Variants in NRXN3 observed in about 807,000 individuals in gnomAD.
NRXN3 encodes the protein neurexin 3, also known as neurexin III.
NRXN3 carries 32 observed loss-of-function variants against 137.6 expected under a neutral mutation model. The observed-to-expected ratio is 0.23, with a 90% CI of 0.18 to 0.31. The LOEUF is 0.31. Among genes scored for constraint, NRXN3 ranks in the 10% least tolerant of loss-of-function variants. NRXN3 has a pLI of 1.00. For missense variants in NRXN3, 1,574 were observed against 2,062.5 expected, an observed-to-expected ratio of 0.76 and a Z score of 4.59; for synonymous variants, 798 against 784.5, an observed-to-expected ratio of 1.02 and a Z score of -0.29.
intron 11 of NRXN3, among the ~76,000 whole-genome samples, chr14:78,962,604 T>C (rs951432023): frequency 7.2e-5 from 11 of 152,242 alleles, no homozygotes; most frequent in African/African-American, 2.7e-4. Flanking sequence ...TTTCAGCATC[T>C]CTCATGCTTT....
chr14:78,874,721 C>T (rs2099109686), intron 10 of NRXN3, among the ~76,000 whole-genome samples: 2 of 152,188 alleles, frequency 1.3e-5, no homozygotes, highest in Admixed American at 6.5e-5. Flanking sequence ...AAATCTCCAG[C>T]TCTCTCTTTG....
chr14:79,286,730 G>A (rs2082332396), intron 15 of NRXN3, among the ~76,000 whole-genome samples: 1 of 151,810 alleles, frequency 6.6e-6, no homozygotes, highest in Non-Finnish European at 1.5e-5. Flanking sequence ...TAGGTGAGGT[G>A]GGAACAACTA....
chr14:78,922,787 A>G (rs553630476), intron 10 of NRXN3, among the ~76,000 whole-genome samples: 1 of 152,320 alleles, frequency 6.6e-6, no homozygotes, highest in African/African-American at 2.4e-5. Flanking sequence ...TGATAGGTGC[A>G]GCACATCACC....
chr14:79,404,676 C>T (rs113842832), intron 15 of NRXN3, among the ~76,000 whole-genome samples: 56 of 152,110 alleles, frequency 3.7e-4, no homozygotes, highest in African/African-American at 1.2e-3. Flanking sequence ...CTTATGGGAA[C>T]GAAGAACTAA....
chr14:79,108,221 T>C (rs183198121), intron 15 of NRXN3, among the ~76,000 whole-genome samples: 1 of 152,174 alleles, frequency 6.6e-6, no homozygotes, highest in Admixed American at 6.5e-5. Flanking sequence ...TCAAGGGTGA[T>C]TTTTAGAAAA....
chr14:79,607,527 A>C (rs1381215287), intron 16 of NRXN3, among the ~76,000 whole-genome samples: 1 of 152,144 alleles, frequency 6.6e-6, no homozygotes, highest in East Asian at 1.9e-4. Flanking sequence ...TAACTTAGAT[A>C]TTTCTTTCTT....
intron 15 of NRXN3, among the ~76,000 whole-genome samples, chr14:79,176,604 C>T (rs2062370162): frequency 6.6e-6 from 1 of 152,168 alleles, no homozygotes. Flanking sequence ...ATGCTGTGCT[C>T]GTTCAGTCCT....
intron 16 of NRXN3, among the ~76,000 whole-genome samples, chr14:79,590,452 C>A (rs995234077): frequency 1.7e-5 from 2 of 120,940 alleles, no homozygotes; most frequent in African/African-American, 7.5e-5. Flanking sequence ...TATGATAGTG[C>A]TAGTCAATAC....
At chr14:79,190,904 A>G in intron 15 of NRXN3, among the ~76,000 whole-genome samples, 1 of 152,186 alleles carries the variant, frequency 6.6e-6, no homozygotes, top group East Asian at 1.9e-4. Context: ...TTACCCTTAT[A>G]AAAACTGTAC....
Position 78,307,346 on chromosome 14 carries a change from A to G in NRXN3, c.757+9486A>G, listed in dbSNP as rs192464478. Among the ~76,000 whole-genome samples, 346 of 152,186 alleles carry G rather than the reference A, an allele frequency of 2.3e-3. 1 individual carries two copies. Among genetic ancestry groups the G allele is most frequent in the African/African-American group, 8.0e-3 (333 of 41,528 alleles). On this transcript the variant is annotated intron_variant, in intron 4 of 20. Coordinates refer to ENST00000335750, the MANE Select transcript of NRXN3 (RefSeq NM_001330195.2). ...TGGTTGATTTATTTTTTAAAAAATT[A>G]CCGTTTATTTTTAATAAATACATGT...
intron 4 of NRXN3, among the ~76,000 whole-genome samples, chr14:78,540,377 C>G (rs973055067): frequency 4.1e-5 from 6 of 147,560 alleles, no homozygotes; most frequent in Admixed American, 3.4e-4. Context: ...TTCTTTTTCT[C>G]TTTTGATCTT....
chr14:78,628,711 G>T (rs61976105), intron 4 of NRXN3, among the ~76,000 whole-genome samples: 9,288 of 152,228 alleles, frequency 0.061, 347 homozygotes, highest in Middle Eastern at 0.15. Context: ...CTGCTGTCTT[G>T]CCATAGAAAA....
rs910018397 is a variant in NRXN3 at position 79,232,449 on chromosome 14, T to C, written c.3263-234772T>C. Among the ~76,000 whole-genome samples, 3 of 152,288 alleles carry C rather than the reference T, an allele frequency of 2.0e-5. No homozygotes were observed. The East Asian group carries it at 5.8e-4, about 29-fold the overall frequency. ...AACCTCATTCTTAAAAGTTTAAAAATCTATATCAATTACCCAGCCTCAAAT... is the reference window on the plus strand; with the variant it reads ...AACCTCATTCTTAAAAGTTTAAAAACCTATATCAATTACCCAGCCTCAAAT... On this transcript the variant is annotated intron_variant, in intron 15 of 20. Coordinates refer to ENST00000335750, the MANE Select transcript of NRXN3 (RefSeq NM_001330195.2).
intron 10 of NRXN3, among the ~76,000 whole-genome samples, chr14:78,912,236 C>G (rs1178252351): frequency 6.6e-6 from 1 of 151,012 alleles, no homozygotes; most frequent in Admixed American, 6.6e-5. Context: ...CATGTCCCTA[C>G]AAAGGACATG....
intron 16 of NRXN3, among the ~76,000 whole-genome samples, chr14:79,503,832 T>C (rs2096847955): frequency 6.6e-6 from 1 of 152,216 alleles, no homozygotes; most frequent in South Asian, 2.1e-4. Context: ...GCCTGAAACT[T>C]CTCAAGGAGC....
At chr14:79,479,831 G>C (rs563515987) in intron 16 of NRXN3, among the ~76,000 whole-genome samples, 2 of 152,054 alleles carry the variant, frequency 1.3e-5, no homozygotes, top group African/African-American at 4.8e-5. Context: ...CTAATCTGAG[G>C]TTTTGAATGC....
chr14:79,124,802 A>G (rs1304747584), intron 15 of NRXN3, among the ~76,000 whole-genome samples: 3 of 152,220 alleles, frequency 2.0e-5, no homozygotes, highest in South Asian at 2.1e-4. Flanking sequence ...GTATAAGTTT[A>G]TAAGTTTATA....
At chr14:78,410,081 G>A (rs2092733361) in intron 4 of NRXN3, among the ~76,000 whole-genome samples, 1 of 152,136 alleles carries the variant, frequency 6.6e-6, no homozygotes, top group Non-Finnish European at 1.5e-5. Context: ...TTACTTTTCT[G>A]AATTATCAGA....
intron 4 of NRXN3, among the ~76,000 whole-genome samples, chr14:78,643,943 C>T (rs1174188827): frequency 6.6e-6 from 1 of 152,018 alleles, no homozygotes; most frequent in Non-Finnish European, 1.5e-5. Flanking sequence ...GAGATTGAGA[C>T]CATCCTGGCC....
Sources: allele counts gnomAD v4.1 joint callset (sites outside exome capture counted in the v4.1 genomes callset), GRCh38; gene constraint gnomAD v4.1.1; transcripts MANE v1.5; gene names NCBI Gene and HGNC (gene_info 2026-07-23, HGNC 2026-07-21).